FCER1A: variants seen among roughly 807,000 people sequenced by gnomAD.
The protein encoded by FCER1A is high affinity immunoglobulin epsilon receptor subunit alpha.
A neutral mutation model predicts 23.6 loss-of-function variants in FCER1A; 24 were observed. That is an observed-to-expected ratio of 1.02 (90% confidence interval 0.74 to 1.43). The LOEUF is 1.43. Among genes scored for constraint, FCER1A ranks in the 40% most tolerant of loss-of-function variants. The pLI is 0.00. For missense variants in FCER1A, 318 were observed against 294.5 expected, an observed-to-expected ratio of 1.08 and a Z score of -0.58; for synonymous variants, 121 against 108.8, an observed-to-expected ratio of 1.11 and a Z score of -0.70.
At chr1:159,303,804 C>T in intron 2 of FCER1A, 124 bp from the exon 3 acceptor site, 1 of 729,480 alleles carries the variant, frequency 1.4e-6, no homozygotes, top group Non-Finnish European at 2.2e-6. Flanking sequence ...TTATCACCAA[C>T]AGAATAAGGA....
At position 159,304,199 on chromosome 1, in the gene FCER1A, T is replaced by C. The variant is rs776565387; in HGVS notation, c.331+17T>C. 6.2e-6 allele frequency: 10 copies of C among 1,609,850 alleles called. No homozygotes were observed. Among genetic ancestry groups the C allele is most frequent in the African/African-American group, 5.4e-5 (4 of 74,724 alleles). On this transcript the variant is annotated intron_variant, in intron 3 of 4. Transcript: ENST00000693622. ...TCTTCAGTGGTAAGTTCCAGGGATA[T>C]GGAAATACAGATCTCTCATGTGAGG...
intron 2 of FCER1A, 66 bp from the exon 3 acceptor site, chr1:159,303,862 G>A: frequency 7.8e-7 from 1 of 1,275,464 alleles, no homozygotes; most frequent in Non-Finnish European, 1.1e-6. Flanking sequence ...GTACTTTTAA[G>A]CCTAGACAGT....
chr1:159,304,416 T>C (rs1439675486), intron 3 of FCER1A, among the ~76,000 whole-genome samples: 1 of 151,924 alleles, frequency 6.6e-6, no homozygotes, highest in African/African-American at 2.4e-5. Context: ...CCGGCTAACA[T>C]GGTGAAACCC....
chr1:159,293,432 A>G (rs77262945), intron 1 of FCER1A, among the ~76,000 whole-genome samples: 24,922 of 151,124 alleles, frequency 0.16, 2,919 homozygotes, highest in East Asian at 0.54. Context: ...TAGGGTACAT[A>G]TGCCCAATGT....
intron 1 of FCER1A, among the ~76,000 whole-genome samples, chr1:159,289,964 G>A (rs1652105983): frequency 6.6e-6 from 1 of 152,176 alleles, no homozygotes; most frequent in Non-Finnish European, 1.5e-5. Flanking sequence ...AGGTCAGATT[G>A]TGGTAGTGTA....
At chr1:159,291,806 C>T (rs776055676) in intron 1 of FCER1A, among the ~76,000 whole-genome samples, 15 of 152,102 alleles carry the variant, frequency 9.9e-5, no homozygotes. Flanking sequence ...TTCCTATTCA[C>T]TTTTTTAGCC....
chr1:159,304,036 C>T lies in FCER1A; in HGVS notation c.185C>T (p.Thr62Ile). ...NGNNFFEVSS[T>I]KWFHNGSLSE... ...AACAATTTCTTTGAAGTCAGTTCCA[C>T]CAAATGGTTCCACAATGGCAGCCTT... is the stretch of plus-strand genomic sequence containing the variant. Residue 62 changes from threonine (T) to isoleucine (I), a missense_variant, in exon 3 of 5, where the codon ACC (threonine) becomes ATC (isoleucine). By Grantham distance (89) the Thr-to-Ile change is moderately conservative. Transcript: ENST00000693622. 6.2e-7 allele frequency: 1 copy of T among 1,614,114 alleles called. No individual in the cohort carries two copies.
chr1:159,301,427 G>A (rs1480643971), upstream of FCER1A, among the ~76,000 whole-genome samples: 1 of 152,098 alleles, frequency 6.6e-6, no homozygotes, highest in Non-Finnish European at 1.5e-5. Flanking sequence ...AAGGAGAAAG[G>A]GAGATCATGT....
chr1:159,301,657 A>G (rs991506619), upstream of FCER1A, among the ~76,000 whole-genome samples: 3 of 152,204 alleles, frequency 2.0e-5, no homozygotes, highest in Non-Finnish European at 2.9e-5. Flanking sequence ...GGATTTATGC[A>G]CTAACTGATC....
chr1:159,288,746 C>A (rs185716663), upstream of FCER1A, among the ~76,000 whole-genome samples: 12 of 152,040 alleles, frequency 7.9e-5, no homozygotes, highest in African/African-American at 2.4e-4. Flanking sequence ...TGACTTTCTC[C>A]CCATGATGGA....
In FCER1A at chr1:159,306,223, C is replaced by G; in HGVS notation, c.567C>G (p.Pro189=). The stretch of plus-strand genomic sequence containing the variant: ...GGCAGCTGGACTATGAGTCTGAGCC[C>G]CTCAACATTACTGTAATAAAAGGTG... ...KVWQLDYESE[P]LNITVIKAPR... is the part of the protein sequence containing the mutation. The change falls in exon 4 of 5, where the codon CCC becomes CCG. Residue 189 remains proline, a synonymous_variant. Coordinates refer to ENST00000693622, the MANE Select transcript of FCER1A (RefSeq NM_001387280.1). 1 of 1,613,824 alleles carries G rather than the reference C, an allele frequency of 6.2e-7. No homozygotes were observed. Among genetic ancestry groups the G allele is most frequent in the South Asian group, 1.1e-5 (1 of 91,036 alleles).
At chr1:159,288,263 A>C (rs1167392471), upstream of FCER1A, among the ~76,000 whole-genome samples, 1 of 152,200 alleles carries the variant, frequency 6.6e-6, no homozygotes, top group Non-Finnish European at 1.5e-5. Context: ...AGCTCCAGTG[A>C]GTTTACCATT....
At chr1:159,299,156 G>A (rs1652367291), upstream of FCER1A, among the ~76,000 whole-genome samples, 1 of 152,178 alleles carries the variant, frequency 6.6e-6, no homozygotes, top group African/African-American at 2.4e-5. Context: ...AGGACATGTT[G>A]CATAGTTAGC....
At chr1:159,291,193 A>G (rs1652143588) in intron 1 of FCER1A, among the ~76,000 whole-genome samples, 1 of 152,184 alleles carries the variant, frequency 6.6e-6, no homozygotes, top group Non-Finnish European at 1.5e-5. Flanking sequence ...CTCTTGGCTT[A>G]GTTTTACCAC....
upstream of FCER1A, among the ~76,000 whole-genome samples, chr1:159,288,504 T>A (rs890133186): frequency 2.6e-5 from 4 of 152,196 alleles, no homozygotes; most frequent in Admixed American, 1.3e-4. Flanking sequence ...GGTCATTTAG[T>A]GTGTAGTGTG....
intron 3 of FCER1A, 104 bp downstream of exon 3, chr1:159,304,286 A>G: frequency 9.0e-7 from 1 of 1,116,226 alleles, no homozygotes; most frequent in Non-Finnish European, 1.3e-6. Flanking sequence ...CCAGAGTGGG[A>G]TTCAAGGCCT....
At chr1:159,284,446 A>G in the FCER1A span, among the ~76,000 whole-genome samples, 3 of 152,232 alleles carry the variant, frequency 2.0e-5, no homozygotes, top group Admixed American at 6.5e-5. Flanking sequence ...CCCATGTGAG[A>G]TGTTTGAGTA....
At chr1:159,291,162 A>T (rs1483367428) in intron 1 of FCER1A, among the ~76,000 whole-genome samples, 2 of 152,198 alleles carry the variant, frequency 1.3e-5, no homozygotes, top group Non-Finnish European at 2.9e-5. Context: ...TCTGCACAGT[A>T]ACTATTCACT....
At chr1:159,291,651 T>G (rs1222978696) in intron 1 of FCER1A, among the ~76,000 whole-genome samples, 2 of 152,184 alleles carry the variant, frequency 1.3e-5, no homozygotes, top group Non-Finnish European at 2.9e-5. Context: ...CTCTGCTTAC[T>G]GAATTATTCC....
Sources: allele counts gnomAD v4.1 joint callset (sites outside exome capture counted in the v4.1 genomes callset), GRCh38; gene constraint gnomAD v4.1.1; transcripts MANE v1.5; gene names NCBI Gene and HGNC (gene_info 2026-07-23, HGNC 2026-07-21).